The following SORBS2 variants were observed in gnomAD, a reference collection of about 807,000 sequenced individuals.
SORBS2 encodes sorbin and SH3 domain-containing protein 2.
SORBS2 carries 46 observed loss-of-function variants against 97.7 expected under a neutral mutation model. The observed-to-expected ratio is 0.47, with a 90% CI of 0.37 to 0.60. The LOEUF is 0.60. SORBS2 is among the 20% of genes least tolerant of loss of function. The probability of loss-of-function intolerance (pLI) is 0.00; values close to 1 mark genes in which losing one functional copy is unlikely to be tolerated. For missense variants in SORBS2, 1,316 were observed against 1,282.3 expected, an observed-to-expected ratio of 1.03 and a Z score of -0.40; for synonymous variants, 476 against 473.4, an observed-to-expected ratio of 1.01 and a Z score of -0.07.
intron 1 of SORBS2, among the ~76,000 whole-genome samples, chr4:185,887,142 C>T (rs530817995): frequency 1.6e-4 from 25 of 152,278 alleles, no homozygotes; most frequent in African/African-American, 5.1e-4. Context: ...AGAGGGTCCA[C>T]GAGCCCATAT....
intron 2 of SORBS2, among the ~76,000 whole-genome samples, chr4:185,715,769 G>A (rs556291013): frequency 3.3e-5 from 5 of 152,018 alleles, no homozygotes; most frequent in South Asian, 2.1e-4. Flanking sequence ...TTCCTCCCTC[G>A]ACTACAAGTG....
At chr4:185,873,657 C>A (rs1448834071) in intron 1 of SORBS2, among the ~76,000 whole-genome samples, 1 of 152,138 alleles carries the variant, frequency 6.6e-6, no homozygotes, top group African/African-American at 2.4e-5. Context: ...AAAATGAATA[C>A]TTTAGAGAAA....
chr4:185,906,267 A>T (rs1290488488), intron 1 of SORBS2, among the ~76,000 whole-genome samples: 1 of 151,518 alleles, frequency 6.6e-6, no homozygotes, highest in African/African-American at 2.4e-5. Flanking sequence ...TCCTGACCTC[A>T]GGTGATCTGC....
At chr4:185,815,051 C>T (rs900500049) in intron 1 of SORBS2, among the ~76,000 whole-genome samples, 8 of 152,262 alleles carry the variant, frequency 5.3e-5, no homozygotes, top group Admixed American at 2.6e-4. Context: ...ACCTATGTGG[C>T]CAGCAGCTTT....
chr4:185,606,618 C>G lies in SORBS2; in HGVS notation c.2796+5162G>C. ...TGGGTTTTGCTGCATTGCTGTCCTC[C>G]TTGGGGGTCCTAGGATCTGTGGGGG... On this transcript the variant is annotated intron_variant, in intron 12 of 14. Transcript: ENST00000418609. The surrounding 1 kb of genome is among the most constrained non-coding windows in gnomAD (Gnocchi z 4.3). 1.0e-6 allele frequency: 1 copy of G among 985,230 alleles called. No homozygotes were observed. Among genetic ancestry groups the G allele is most frequent in the Non-Finnish European group, 1.2e-6 (1 of 829,888 alleles). The allele number at this position is 985,230 out of a possible 1,614,324, so 61.0% of individuals were successfully genotyped here.
At chr4:185,627,936 G>A (rs1179201257) in intron 5 of SORBS2, among the ~76,000 whole-genome samples, 1 of 152,068 alleles carries the variant, frequency 6.6e-6, no homozygotes, top group East Asian at 1.9e-4. Flanking sequence ...TGCAGAATGT[G>A]GCCTCTCAGG....
chr4:185,741,879 C>T (rs1405166489), intron 2 of SORBS2, among the ~76,000 whole-genome samples: 1 of 152,168 alleles, frequency 6.6e-6, no homozygotes, highest in African/African-American at 2.4e-5. Context: ...TTAGGGTGCT[C>T]GTGGCCTCCC....
At chr4:185,745,791 C>T (rs892547780) in intron 2 of SORBS2, among the ~76,000 whole-genome samples, 4 of 152,136 alleles carry the variant, frequency 2.6e-5, no homozygotes, top group Admixed American at 1.3e-4. Context: ...AGACATCCCT[C>T]GGGCTACGTG....
chr4:185,816,490 C>T (rs915272987), intron 1 of SORBS2, among the ~76,000 whole-genome samples: 7 of 152,154 alleles, frequency 4.6e-5, no homozygotes, highest in African/African-American at 1.7e-4. Context: ...CTCACAATGA[C>T]GTGAACAATG....
intron 1 of SORBS2, among the ~76,000 whole-genome samples, chr4:185,934,675 G>A (rs745533360): frequency 5.3e-5 from 8 of 151,822 alleles, no homozygotes; most frequent in South Asian, 2.1e-4. Flanking sequence ...TTCCAGCTAC[G>A]TGGGAGGTTG....
intron 9 of SORBS2, among the ~76,000 whole-genome samples, chr4:185,617,144 A>G (rs984095554): frequency 6.6e-6 from 1 of 152,206 alleles, no homozygotes; most frequent in African/African-American, 2.4e-5. Flanking sequence ...GTTTTTATAT[A>G]TTTAAGAAAG....
Position 185,805,778 on chromosome 4 carries a change from C to G in SORBS2, c.-337-30412G>C, listed in dbSNP as rs202226786. 3.3e-5 allele frequency among the ~76,000 whole-genome samples: 5 copies of G among 152,160 alleles called. No homozygotes were observed. In the East Asian group the frequency reaches 9.6e-4, roughly 29 times the overall value. On this transcript the variant is annotated intron_variant, in intron 1 of 20. Transcript: ENST00000284776. Reference sequence around the variant, plus strand: ...AGCAAACTAAAATATGTAGTATTTACTATAGTGCAAGAATACGTCTGACGG... The same window carrying G: ...AGCAAACTAAAATATGTAGTATTTAGTATAGTGCAAGAATACGTCTGACGG...
intron 2 of SORBS2, among the ~76,000 whole-genome samples, chr4:185,755,467 C>T (rs2098824947): frequency 6.6e-6 from 1 of 152,234 alleles, no homozygotes; most frequent in African/African-American, 2.4e-5. Flanking sequence ...CAGAAGCATA[C>T]ACAAATGTGA....
At chr4:185,671,892 A>G (rs79695575) in intron 4 of SORBS2, among the ~76,000 whole-genome samples, 6,705 of 152,306 alleles carry the variant, frequency 0.044, 253 homozygotes, top group East Asian at 0.14. Context: ...ATGCCCATCT[A>G]TTGGGAGATG....
At position 185,930,113 on chromosome 4, in the gene SORBS2, G is replaced by C. The variant is rs78695975; in HGVS notation, c.-338+26083C>G. Among the ~76,000 whole-genome samples, 944 of 152,226 alleles carry C rather than the reference G, an allele frequency of 6.2e-3. 11 individuals are homozygous for C. Among genetic ancestry groups the C allele is most frequent in the African/African-American group, 0.021 (879 of 41,522 alleles). On this transcript the variant is annotated intron_variant, in intron 1 of 20. Transcript: ENST00000284776. Reference sequence around the variant, plus strand: ...CTACTTTTCTACAAGAATCAGAACAGGATGCTAACAACATATGAAACTGAT... The same window carrying C: ...CTACTTTTCTACAAGAATCAGAACACGATGCTAACAACATATGAAACTGAT...
At chr4:185,946,359 C>T (rs1378151) in intron 1 of SORBS2, among the ~76,000 whole-genome samples, 127,335 of 152,170 alleles carry the variant, frequency 0.84, 53,978 homozygotes, top group East Asian at 0.95. Flanking sequence ...TGAGTGTGAG[C>T]GAAGGCAATG....
At chr4:185,648,892 T>G (rs1036653397) in intron 3 of SORBS2, among the ~76,000 whole-genome samples, 1 of 152,180 alleles carries the variant, frequency 6.6e-6, no homozygotes, top group African/African-American at 2.4e-5. Flanking sequence ...TACCTATAAG[T>G]AGAAGTATTA....
intron 1 of SORBS2, chr4:185,812,855 A>C (rs2099189154): frequency 6.6e-6 from 1 of 152,264 alleles, no homozygotes; most frequent in South Asian, 2.1e-4. Context: ...TCTACGGCAG[A>C]AAATGATTCT....
At chr4:185,691,836 C>T (rs748756417) in intron 2 of SORBS2, among the ~76,000 whole-genome samples, 3 of 152,086 alleles carry the variant, frequency 2.0e-5, no homozygotes, top group Non-Finnish European at 4.4e-5. Context: ...GCTCTGCCTC[C>T]CGGGCTCACG....
Sources: allele counts gnomAD v4.1 joint callset (sites outside exome capture counted in the v4.1 genomes callset), GRCh38; gene constraint gnomAD v4.1.1; non-coding constraint Gnocchi (gnomAD v3.1); transcripts MANE v1.5; gene names NCBI Gene and HGNC (gene_info 2026-07-23, HGNC 2026-07-21).